The following EDEM3 variants were observed in gnomAD, a reference collection of about 807,000 sequenced individuals.
EDEM3 encodes ER degradation-enhancing alpha-mannosidase-like protein 3.
Under a neutral mutation model 110.2 loss-of-function variants are expected in EDEM3, and 60 were observed. The observed-to-expected ratio is 0.54, with a 90% CI of 0.44 to 0.67. The LOEUF (loss-of-function observed/expected upper bound fraction) is 0.67. Ranked by LOEUF, EDEM3 falls within the 30% of genes least tolerant of loss-of-function variation. The pLI, the probability that EDEM3 is intolerant of heterozygous loss-of-function variation, is 0.00. For synonymous variants in EDEM3, 352 were observed against 382.9 expected (o/e 0.92, Z 0.94); for missense variants, 996 against 1,121.0 (o/e 0.89, Z 1.59).
rs1649100946 is a variant in EDEM3 at position 184,692,440 on chromosome 1, A to G, written c.*1623T>C. ...TTACCTGGAATATCTGAATGCAGGTATTTATCCTCTCAGAAAAGAATATGT... is the reference window on the plus strand; with the variant it reads ...TTACCTGGAATATCTGAATGCAGGTGTTTATCCTCTCAGAAAAGAATATGT... On this transcript the variant is annotated 3_prime_UTR_variant, in exon 20 of 20. Coordinates refer to ENST00000318130, the MANE Select transcript of EDEM3 (RefSeq NM_025191.4). The G allele has an allele frequency of 6.6e-6, 1 of 152,090 alleles. No homozygotes were observed. The highest frequency in any genetic ancestry group is 6.6e-5 in the Admixed American group (1 of 15,250). The allele number at this position is 152,090 out of a possible 1,614,324, so 9.4% of individuals were successfully genotyped here.
chr1:184,705,244 A>C (rs1003085176), intron 18 of EDEM3, among the ~76,000 whole-genome samples: 1 of 152,228 alleles, frequency 6.6e-6, no homozygotes, highest in Non-Finnish European at 1.5e-5. Context: ...CTTGGTAAGA[A>C]CTGTTCAAAA....
At chr1:184,715,282 A>G (rs141655171) in intron 13 of EDEM3, among the ~76,000 whole-genome samples, 201 of 152,272 alleles carry the variant, frequency 1.3e-3, no homozygotes, top group African/African-American at 4.7e-3. Flanking sequence ...TTTGGTGGGG[A>G]AAAAAAGAAG....
chr1:184,711,344 C>T (rs1265656377), intron 15 of EDEM3, among the ~76,000 whole-genome samples: 2 of 152,132 alleles, frequency 1.3e-5, no homozygotes, highest in African/African-American at 4.8e-5. Context: ...AGGTGATCCA[C>T]CTGCCTTGGC....
chr1:184,698,872 T>C lies in EDEM3; in HGVS notation c.2389+3939A>G, dbSNP rs572080789. 3.1e-4 allele frequency among the ~76,000 whole-genome samples: 47 copies of C among 151,760 alleles called. No homozygotes were observed. The South Asian group carries it at 9.8e-3, about 32-fold the overall frequency. On this transcript the variant is annotated intron_variant, in intron 19 of 19. Coordinates refer to ENST00000318130, the MANE Select transcript of EDEM3 (RefSeq NM_025191.4). The stretch of plus-strand genomic sequence containing the variant: ...TTTGGTTTTCGCAAGCTGAAGGAGC[T>C]ATAGAACCAGAAATAAAAGCAACAA...
rs766449092 is a variant in EDEM3, at chr1:184,692,623, C to A, written c.*1440G>T. 6.6e-6 allele frequency: 1 copy of A among 151,968 alleles called. No individual in the cohort carries two copies. Among genetic ancestry groups the A allele is most frequent in the Non-Finnish European group, 1.5e-5 (1 of 67,932 alleles). 9.4% of individuals were successfully genotyped at this position (151,968 alleles called of 1,614,324 possible). ...TGGTAAAGAGAAGAAAATTATGTCT[C>A]TTAAATATTCCTTTAGAACAAATTC... On this transcript the variant is annotated 3_prime_UTR_variant, in exon 20 of 20. Transcript: ENST00000318130.
At position 184,741,482 on chromosome 1, in the gene EDEM3, A is replaced by G. The variant is rs1652136623; in HGVS notation, c.205-3771T>C. Among the ~76,000 whole-genome samples the G allele has an allele frequency of 2.6e-5, 4 of 152,228 alleles. No homozygotes were observed. The South Asian group carries it at 8.3e-4, about 31-fold the overall frequency. The stretch of plus-strand genomic sequence containing the variant: ...TTTCTAATATTTTTAATTACCATAT[A>G]GTAAATAATAGTTTTGCTATTTTTT... On this transcript the variant is annotated intron_variant, in intron 2 of 19. Transcript: ENST00000318130.
chr1:184,747,600 C>T (rs886185443), intron 2 of EDEM3, among the ~76,000 whole-genome samples: 2 of 152,186 alleles, frequency 1.3e-5, no homozygotes, highest in Non-Finnish European at 2.9e-5. Flanking sequence ...TTACAGTGGA[C>T]ACGTATGGTC....
intron 4 of EDEM3, among the ~76,000 whole-genome samples, chr1:184,735,121 G>GCCCTGTTCA (rs1651752201): frequency 2.0e-5 from 3 of 152,144 alleles, no homozygotes; most frequent in Admixed American, 1.3e-4. Flanking sequence ...CACTAAGGAG[G>GCCCTGTTCA]CTATACAATG....
chr1:184,728,802 G>A (rs1651337989), intron 6 of EDEM3, among the ~76,000 whole-genome samples: 1 of 152,042 alleles, frequency 6.6e-6, no homozygotes, highest in Admixed American at 6.5e-5. Flanking sequence ...TAGAGATGGG[G>A]TTTCACCATG....
At chr1:184,702,669 A>G (rs1056405482) in intron 19 of EDEM3, 142 bp downstream of exon 19, 1 of 546,108 alleles carries the variant, frequency 1.8e-6, no homozygotes, top group Admixed American at 4.1e-5. Flanking sequence ...AAAGAAAAAT[A>G]TATTTTGAAA....
chr1:184,714,799 C>T (rs1650453263), intron 13 of EDEM3, among the ~76,000 whole-genome samples: 1 of 152,138 alleles, frequency 6.6e-6, no homozygotes, highest in Middle Eastern at 3.4e-3. Context: ...TAAGTTTACA[C>T]TAAAAAAAAG....
intron 2 of EDEM3, among the ~76,000 whole-genome samples, chr1:184,745,338 A>G (rs1224118310): frequency 1.3e-5 from 2 of 152,152 alleles, no homozygotes; most frequent in African/African-American, 4.8e-5. Flanking sequence ...AAAGGTAAAT[A>G]TAAATTTATA....
At position 184,719,405 on chromosome 1, in the gene EDEM3, A is replaced by G. The variant is rs548993210; in HGVS notation, c.1077+38T>C. On this transcript the variant is annotated intron_variant, in intron 10 of 19. Transcript: ENST00000318130. ...AAAAATGCGCCTAATTAACATCATC[A>G]TCTTACATTCATATTAAGAAGACAG... 136 of 1,596,026 alleles carry G rather than the reference A, an allele frequency of 8.5e-5. 1 individual carries two copies. The South Asian group carries it at 1.5e-3, about 18-fold the overall frequency.
intron 2 of EDEM3, among the ~76,000 whole-genome samples, chr1:184,741,347 C>T (rs780945366): frequency 2.6e-5 from 4 of 151,686 alleles, no homozygotes; most frequent in East Asian, 1.9e-4. Context: ...TGCACTGCGC[C>T]GAGATCTCGC....
chr1:184,702,477 A>G (rs1571349248), intron 19 of EDEM3, among the ~76,000 whole-genome samples: 1 of 152,204 alleles, frequency 6.6e-6, no homozygotes, highest in East Asian at 1.9e-4. Flanking sequence ...ATGTAGTATC[A>G]GTGAAATCAA....
At position 184,694,254 on chromosome 1, in the gene EDEM3, T is replaced by C. The variant is rs1649213377; in HGVS notation, c.2608A>G (p.Asn870Asp). 6.2e-7 allele frequency: 1 copy of C among 1,613,398 alleles called. No individual in the cohort carries two copies. Among genetic ancestry groups the C allele is most frequent in the Non-Finnish European group, 8.5e-7 (1 of 1,179,602 alleles). ...CCATTAAGATTTGTAGTCTCATGGTTTTCTGTGGGATTAGAAGTCTGTTCA... is the reference window on the plus strand; with the variant it reads ...CCATTAAGATTTGTAGTCTCATGGTCTTCTGTGGGATTAGAAGTCTGTTCA... ...PSEQTSNPTE[N>D]HETTNLNGEC... Residue 870 changes from asparagine (N) to aspartate (D), a missense_variant, in exon 20 of 20, where the codon AAC becomes GAC. Physicochemically the swap from Asn to Asp is conservative, Grantham distance 23 (BLOSUM62 1). This residue lies in a region of EDEM3 where 345 missense variants were observed against 402.0 expected (regional missense o/e 0.86). Coordinates refer to ENST00000318130, the MANE Select transcript of EDEM3 (RefSeq NM_025191.4).
In EDEM3 at chr1:184,717,637, C is replaced by T; in HGVS notation, c.1162-14G>A. On this transcript the variant is annotated splice_polypyrimidine_tract_variant and intron_variant, in intron 11 of 19. Transcript: ENST00000318130. ...TGTGGTAAATGCCTGAACAAAACAA[C>T]ATACAAAAGGCATAAAAAATGTGAT... 2 of 1,581,196 alleles carry T rather than the reference C, an allele frequency of 1.3e-6. No individual in the cohort carries two copies. Among genetic ancestry groups the T allele is most frequent in the South Asian group, 1.2e-5 (1 of 84,596 alleles).
At chr1:184,712,319 T>C (rs1326389152) in intron 14 of EDEM3, 114 bp downstream of exon 14, 20 of 947,416 alleles carry the variant, frequency 2.1e-5, no homozygotes, top group Non-Finnish European at 3.1e-5. Context: ...ATGTATATAT[T>C]TATTCTTACC....
intron 2 of EDEM3, among the ~76,000 whole-genome samples, chr1:184,741,269 G>A (rs1381118431): frequency 6.6e-6 from 1 of 151,876 alleles, no homozygotes; most frequent in Non-Finnish European, 1.5e-5. Context: ...TGTGGTGGCA[G>A]GCATCTGTAA....
Sources: gnomAD v4.1 joint callset for allele counts (sites outside exome capture counted in the v4.1 genomes callset) on GRCh38, gnomAD v4.1.1 for gene constraint, gnomAD v4.1.1 regional missense constraint, MANE v1.5 for transcripts, NCBI Gene and HGNC (gene_info 2026-07-23, HGNC 2026-07-21) for gene names.